Variants in TNR observed in about 807,000 individuals in gnomAD.
TNR encodes tenascin R, also known as tenascin-R.
A neutral mutation model predicts 150.4 loss-of-function variants in TNR; 45 were observed. That is an observed-to-expected ratio of 0.30 (90% CI 0.24 to 0.38). TNR has a LOEUF of 0.38. TNR is among the 10% of genes least tolerant of loss of function. The probability of loss-of-function intolerance (pLI) is 1.00; values close to 1 mark genes in which losing one functional copy is unlikely to be tolerated. For synonymous variants in TNR, 687 were observed against 678.4 expected, an observed-to-expected ratio of 1.01 and a Z score of -0.20; for missense variants, 1,544 against 1,759.1, an observed-to-expected ratio of 0.88 and a Z score of 2.19.
chr1:175,563,552 C>T (rs551727060), intron 1 of TNR, among the ~76,000 whole-genome samples: 1 of 152,278 alleles, frequency 6.6e-6, no homozygotes, highest in South Asian at 2.1e-4. Flanking sequence ...CCTCAATGTC[C>T]ACTTTGACAG....
intron 2 of TNR, among the ~76,000 whole-genome samples, chr1:175,490,337 G>A (rs1046964461): frequency 5.3e-5 from 8 of 151,920 alleles, no homozygotes; most frequent in Non-Finnish European, 7.4e-5. Context: ...ATGAAAATGC[G>A]AAAAGCAATT....
intron 8 of TNR, among the ~76,000 whole-genome samples, chr1:175,380,809 C>T (rs1167336404): frequency 1.3e-5 from 2 of 152,178 alleles, no homozygotes; most frequent in Non-Finnish European, 2.9e-5. Flanking sequence ...TCACTTAAAA[C>T]GTTTAAAATA....
chr1:175,346,964 A>C (rs1399468658), intron 18 of TNR, among the ~76,000 whole-genome samples: 5 of 151,846 alleles, frequency 3.3e-5, no homozygotes, highest in Admixed American at 1.3e-4. Context: ...TTCTTTTTAG[A>C]GTGAGATTAG....
chr1:175,358,737 C>G (rs920180920), intron 15 of TNR, among the ~76,000 whole-genome samples: 8 of 152,152 alleles, frequency 5.3e-5, no homozygotes, highest in African/African-American at 1.9e-4. Context: ...CTGTTCTGTT[C>G]AACTTCAAAT....
At position 175,365,288 on chromosome 1, in the gene TNR, C is replaced by G; in HGVS notation, c.2318-9G>C. 6.3e-7 allele frequency: 1 copy of G among 1,591,500 alleles called. No individual in the cohort carries two copies. Among genetic ancestry groups the G allele is most frequent in the Non-Finnish European group, 8.6e-7 (1 of 1,166,392 alleles). On this transcript the variant is annotated splice_polypyrimidine_tract_variant and intron_variant, in intron 11 of 22. Transcript: ENST00000367674. The stretch of plus-strand genomic sequence containing the variant: ...AGAGATGGGACGGAAGCCTGCAAAG[C>G]AAAGGAGATGGATGGTCCTGAAACA...
intron 19 of TNR, among the ~76,000 whole-genome samples, chr1:175,336,230 C>T (rs758058392): frequency 1.1e-4 from 16 of 152,350 alleles, no homozygotes; most frequent in Non-Finnish European, 1.9e-4. Context: ...TAACTGTCAT[C>T]GTCCTATTGC....
intron 2 of TNR, among the ~76,000 whole-genome samples, chr1:175,454,998 C>T (rs1453215651): frequency 6.6e-6 from 1 of 152,182 alleles, no homozygotes; most frequent in Non-Finnish European, 1.5e-5. Context: ...TCTGTGTCTT[C>T]TGAGGCTACA....
At chr1:175,729,542 C>T (rs563311351) in intron 1 of TNR, among the ~76,000 whole-genome samples, 2 of 152,238 alleles carry the variant, frequency 1.3e-5, no homozygotes, top group African/African-American at 4.8e-5. Context: ...GATCCCCTAC[C>T]TCAACCTCCC....
intron 1 of TNR, among the ~76,000 whole-genome samples, chr1:175,557,060 G>A (rs1333919861): frequency 6.6e-6 from 1 of 152,166 alleles, no homozygotes; most frequent in African/African-American, 2.4e-5. Flanking sequence ...TCTCCCCACT[G>A]CCCAATAATC....
chr1:175,710,418 G>A (rs1666976884), intron 1 of TNR, among the ~76,000 whole-genome samples: 1 of 152,134 alleles, frequency 6.6e-6, no homozygotes, highest in Admixed American at 6.5e-5. Flanking sequence ...AGGTCTCCCA[G>A]GGGAGCTTCT....
chr1:175,403,394 G>A lies in TNR; in HGVS notation c.722C>T (p.Ser241Phe). The A allele has an allele frequency of 1.2e-6, 2 of 1,614,154 alleles. No homozygotes were observed. The highest frequency in any genetic ancestry group is 1.7e-6 in the Non-Finnish European group (2 of 1,180,036). Residue 241 changes from serine to phenylalanine, a missense_variant, in exon 4 of 23, where the codon TCC becomes TTC. Coordinates refer to ENST00000367674, the MANE Select transcript of TNR (RefSeq NM_003285.3). ...CTCCCCGTCCACGCAGAGCCCCCGG[G>A]AGCTGCAGTCTGTTGGGCACCGGAG... ...SELRCPTDCS[S>F]RGLCVDGECV...
chr1:175,338,234 T>C (rs967211996), intron 18 of TNR, among the ~76,000 whole-genome samples: 3 of 152,240 alleles, frequency 2.0e-5, no homozygotes, highest in Non-Finnish European at 4.4e-5. Context: ...CTATTCCTTG[T>C]ACAAAATACA....
At chr1:175,401,157 G>A (rs859449) in intron 4 of TNR, among the ~76,000 whole-genome samples, 103,301 of 152,056 alleles carry the variant, frequency 0.68, 35,339 homozygotes, top group East Asian at 0.83. Context: ...TCTTCCCTGA[G>A]GTAGCCAGGA....
At chr1:175,710,161 A>G (rs1324779256) in intron 1 of TNR, among the ~76,000 whole-genome samples, 1 of 152,090 alleles carries the variant, frequency 6.6e-6, no homozygotes, top group East Asian at 1.9e-4. Context: ...CTGGAAGATC[A>G]CTCAGGGAGC....
At chr1:175,499,410 C>T (rs1336283536) in intron 2 of TNR, among the ~76,000 whole-genome samples, 1 of 152,174 alleles carries the variant, frequency 6.6e-6, no homozygotes, top group African/African-American at 2.4e-5. Flanking sequence ...GGGAGATGAC[C>T]TGGCTTCTCC....
At chr1:175,626,431 T>A (rs749156197) in intron 1 of TNR, among the ~76,000 whole-genome samples, 4 of 152,186 alleles carry the variant, frequency 2.6e-5, no homozygotes, top group Non-Finnish European at 5.9e-5. Flanking sequence ...GCTGAGCTGC[T>A]ATCCTCTCTC....
At chr1:175,417,128 A>T (rs960450024) in intron 2 of TNR, among the ~76,000 whole-genome samples, 2 of 151,988 alleles carry the variant, frequency 1.3e-5, no homozygotes, top group African/African-American at 4.8e-5. Context: ...AGTTGAGAAG[A>T]CTAGGCTAAT....
intron 1 of TNR, among the ~76,000 whole-genome samples, chr1:175,540,292 C>A (rs1382274247): frequency 6.6e-6 from 1 of 152,182 alleles, no homozygotes; most frequent in Non-Finnish European, 1.5e-5. Flanking sequence ...TGCAGCTGAG[C>A]ACCACTGATC....
At chr1:175,702,257 A>C (rs1666719012) in intron 1 of TNR, among the ~76,000 whole-genome samples, 1 of 152,150 alleles carries the variant, frequency 6.6e-6, no homozygotes, top group Non-Finnish European at 1.5e-5. Context: ...AATGTGAGTA[A>C]ATCACAGAGG....
Sources: gnomAD v4.1 joint callset for allele counts (sites outside exome capture counted in the v4.1 genomes callset) on GRCh38, gnomAD v4.1.1 for gene constraint, MANE v1.5 for transcripts, NCBI Gene and HGNC (gene_info 2026-07-23, HGNC 2026-07-21) for gene names.